ARMC2: variants seen among roughly 807,000 people sequenced by gnomAD.
ARMC2 encodes the protein armadillo repeat-containing protein 2.
In ARMC2, 67 loss-of-function variants were observed where a neutral mutation model predicts 90.3. The ratio of observed to expected loss-of-function variants is 0.74; its 90% CI spans 0.61 to 0.91. The LOEUF is 0.91. Ranked by LOEUF, ARMC2 falls within the 40% of genes least tolerant of loss-of-function variation. The pLI is 0.00. For synonymous variants in ARMC2, 393 were observed against 393.0 expected (o/e 1.00, Z 0.00); for missense variants, 920 against 1,030.9 (o/e 0.89, Z 1.47).
the ARMC2 span, among the ~76,000 whole-genome samples, chr6:108,991,342 A>G: frequency 6.6e-6 from 1 of 152,158 alleles, no homozygotes; most frequent in Non-Finnish European, 1.5e-5. Flanking sequence ...GCTGGGCTCA[A>G]GCGATCCTCC....
chr6:108,956,744 C>T (rs1161129796), intron 13 of ARMC2, among the ~76,000 whole-genome samples: 1 of 152,152 alleles, frequency 6.6e-6, no homozygotes, highest in African/African-American at 2.4e-5. Context: ...GTCATCCCAG[C>T]ACTTTGGGAG....
intron 11 of ARMC2, among the ~76,000 whole-genome samples, chr6:108,932,721 G>C (rs1775672720): frequency 6.6e-6 from 1 of 151,404 alleles, no homozygotes; most frequent in South Asian, 2.1e-4. Context: ...GTAGAGATGG[G>C]TTTTCACTGT....
chr6:108,898,224 GCCATATACCCGTTTGCT>G (rs1259930572), intron 6 of ARMC2, among the ~76,000 whole-genome samples: 1 of 152,084 alleles, frequency 6.6e-6, no homozygotes, highest in East Asian at 1.9e-4. Context: ...AAATACATGG[GCCATATACCCGTTTGCT>G]CCTCTGTCTG....
the ARMC2 span, among the ~76,000 whole-genome samples, chr6:109,046,960 C>T: frequency 9.1e-6 from 1 of 110,198 alleles, no homozygotes; most frequent in African/African-American, 3.4e-5. Flanking sequence ...GGAGCGTCTC[C>T]ACCCGGCAGC....
At chr6:108,943,675 C>A (rs2768553) in intron 12 of ARMC2, among the ~76,000 whole-genome samples, 145,819 of 151,600 alleles carry the variant, frequency 0.96, 70,386 homozygotes, top group East Asian at 1. Flanking sequence ...TAAAAAAAAA[C>A]CCACAAAAAT....
At chr6:109,005,450 G>A in the ARMC2 span, among the ~76,000 whole-genome samples, 5 of 152,230 alleles carry the variant, frequency 3.3e-5, no homozygotes, top group South Asian at 4.1e-4. Context: ...TAAAAATGTG[G>A]CCAGATTGAC....
chr6:109,026,631 A>C, the ARMC2 span, among the ~76,000 whole-genome samples: 26 of 151,994 alleles, frequency 1.7e-4, no homozygotes, highest in Non-Finnish European at 4.4e-5. Context: ...CAGCCTCCCG[A>C]GTAGCTAGGA....
intron 4 of ARMC2, among the ~76,000 whole-genome samples, chr6:108,870,610 A>G (rs1379806461): frequency 6.6e-6 from 1 of 152,002 alleles, no homozygotes; most frequent in Non-Finnish European, 1.5e-5. Flanking sequence ...AGAAGGAAAG[A>G]AAAAGAAGAG....
chr6:109,031,034 G>C, the ARMC2 span, among the ~76,000 whole-genome samples: 4 of 152,168 alleles, frequency 2.6e-5, no homozygotes, highest in African/African-American at 9.7e-5. Context: ...TCTAGGCAAC[G>C]TGTAATTTTG....
chr6:108,954,677 G>C (rs1777435133), intron 13 of ARMC2, among the ~76,000 whole-genome samples: 1 of 152,118 alleles, frequency 6.6e-6, no homozygotes, highest in South Asian at 2.1e-4. Context: ...TTGTTGTTTT[G>C]GAAGGAAGCT....
chr6:108,916,728 A>G (rs1486632350), intron 10 of ARMC2, among the ~76,000 whole-genome samples: 1 of 152,184 alleles, frequency 6.6e-6, no homozygotes, highest in African/African-American at 2.4e-5. Context: ...ATGGATTATC[A>G]TGAGGTGTTA....
At chr6:108,932,140 C>A (rs961251806) in intron 11 of ARMC2, among the ~76,000 whole-genome samples, 1 of 151,886 alleles carries the variant, frequency 6.6e-6, no homozygotes, top group African/African-American at 2.4e-5. Context: ...GGATATTAAA[C>A]CTTTGACAGA....
intron 1 of ARMC2, among the ~76,000 whole-genome samples, chr6:108,853,982 C>G (rs1240728843): frequency 6.6e-6 from 1 of 152,094 alleles, no homozygotes; most frequent in Non-Finnish European, 1.5e-5. Context: ...GTCTTTCTCT[C>G]TGGGTTTAGC....
the ARMC2 span, among the ~76,000 whole-genome samples, chr6:108,997,995 A>G: frequency 5.9e-5 from 9 of 152,380 alleles, no homozygotes; most frequent in African/African-American, 2.2e-4. Flanking sequence ...CATTCACCTG[A>G]TATCACCTTC....
At position 108,912,508 on chromosome 6, in the gene ARMC2, A is replaced by T; in HGVS notation, c.1300A>T (p.Ile434Phe). ...TTTGATAAAACAAATAAATGAGAAC[A>T]TCAAGAAATGTGGTACATTTTTGCC... ...INLIKQINEN[I>F]KKCGTFLPNS... is the part of the protein sequence containing the mutation. The change falls in exon 10 of 18, where the codon ATC (isoleucine) becomes TTC (phenylalanine). Residue 434 changes from isoleucine (I) to phenylalanine (F), a missense_variant. Physicochemically the swap from Ile to Phe is conservative, Grantham distance 21. Coordinates refer to ENST00000392644, the MANE Select transcript of ARMC2 (RefSeq NM_032131.6). The T allele has an allele frequency of 6.2e-7, 1 of 1,614,038 alleles. No homozygotes were observed. The highest frequency in any genetic ancestry group is 8.5e-7 in the Non-Finnish European group (1 of 1,179,888).
the ARMC2 span, among the ~76,000 whole-genome samples, chr6:109,005,344 T>C: frequency 3.3e-5 from 5 of 152,186 alleles, no homozygotes; most frequent in Non-Finnish European, 5.9e-5. Flanking sequence ...ATGTATATAT[T>C]ATGTTATCAG....
chr6:109,007,991 T>C, the ARMC2 span, among the ~76,000 whole-genome samples: 18 of 152,172 alleles, frequency 1.2e-4, no homozygotes, highest in Non-Finnish European at 2.1e-4. Flanking sequence ...GTAAAGTGAA[T>C]AGTTTTCCTA....
chr6:109,002,261 T>G, the ARMC2 span: 1 of 1,610,604 alleles, frequency 6.2e-7, no homozygotes, highest in Non-Finnish European at 8.5e-7. Context: ...CACTATGTAC[T>G]TTCACAAACA....
the ARMC2 span, among the ~76,000 whole-genome samples, chr6:109,027,312 A>C: frequency 1.3e-5 from 2 of 151,848 alleles, no homozygotes; most frequent in Non-Finnish European, 2.9e-5. Context: ...GTCTCTACTA[A>C]AAATATAAAA....
Sources: gnomAD v4.1 joint callset for allele counts (sites outside exome capture counted in the v4.1 genomes callset) on GRCh38, gnomAD v4.1.1 for gene constraint, MANE v1.5 for transcripts, NCBI Gene and HGNC (gene_info 2026-07-23, HGNC 2026-07-21) for gene names.